The following UQCRC2 variants were observed in gnomAD, a reference collection of about 807,000 sequenced individuals.
UQCRC2 encodes ubiquinol-cytochrome c reductase core protein 2.
Under a neutral mutation model 55.6 loss-of-function variants are expected in UQCRC2, and 49 were observed. That is an observed-to-expected ratio of 0.88 (90% CI 0.70 to 1.12). The LOEUF (loss-of-function observed/expected upper bound fraction) is 1.12, where lower values mean the gene tolerates loss of function less well. Among genes scored for constraint, UQCRC2 ranks in the 50% most tolerant of loss-of-function variants. UQCRC2 has a pLI of 0.00. For synonymous variants in UQCRC2, 193 were observed against 192.0 expected, an observed-to-expected ratio of 1.01 and a Z score of -0.04; for missense variants, 506 against 547.8, an observed-to-expected ratio of 0.92 and a Z score of 0.76.
At position 21,983,180 on chromosome 16, in the gene UQCRC2, C is replaced by T; in HGVS notation, c.*9C>T. On this transcript the variant is annotated 3_prime_UTR_variant, in exon 14 of 14. Coordinates refer to ENST00000268379, the MANE Select transcript of UQCRC2 (RefSeq NM_003366.4). ...TTGTTGATGAGTTGTAATACTGATG[C>T]ACACATTACAGGAGAGAGCTGAACG... 1.9e-6 allele frequency: 3 copies of T among 1,611,662 alleles called. No individual in the cohort carries two copies. Among genetic ancestry groups the T allele is most frequent in the South Asian group, 1.1e-5 (1 of 91,020 alleles).
At chr16:21,963,122 G>A in intron 6 of UQCRC2, 1 of 324,402 alleles carries the variant, frequency 3.1e-6, no homozygotes, top group Non-Finnish European at 5.7e-6. Flanking sequence ...CTGAGCAGCT[G>A]GAATTATAGG....
At chr16:21,961,657 TA>T (rs1195558011) in intron 4 of UQCRC2, among the ~76,000 whole-genome samples, 1 of 95,334 alleles carries the variant, frequency 1.0e-5, no homozygotes. Flanking sequence ...TATATATATA[TA>T]TATATATATA....
At chr16:21,953,588 A>T in intron 1 of UQCRC2, 132 bp downstream of exon 1, 1 of 1,183,706 alleles carries the variant, frequency 8.4e-7, no homozygotes, top group Non-Finnish European at 1.2e-6. Flanking sequence ...CCTGCGGGCC[A>T]AGTGGGCTGC....
intron 13 of UQCRC2, among the ~76,000 whole-genome samples, chr16:21,982,039 A>G (rs921751204): frequency 1.3e-5 from 2 of 151,576 alleles, no homozygotes; most frequent in Non-Finnish European, 2.9e-5. Flanking sequence ...ACGGGGTTTT[A>G]CCATGTTAGC....
intron 4 of UQCRC2, among the ~76,000 whole-genome samples, chr16:21,960,067 A>G (rs1198228490): frequency 1.3e-5 from 2 of 152,208 alleles, no homozygotes; most frequent in South Asian, 2.1e-4. Context: ...CACCAGCTGC[A>G]TTAGTCCCCA....
chr16:21,960,601 A>T (rs1037973699), intron 4 of UQCRC2, among the ~76,000 whole-genome samples: 42 of 152,326 alleles, frequency 2.8e-4, no homozygotes, highest in African/African-American at 9.4e-4. Context: ...CGTTTTTAAC[A>T]TGCCTTCCTG....
rs1898103382 is a variant in UQCRC2 at position 21,957,331 on chromosome 16, A to G, written c.117+13A>G. 2 of 1,614,050 alleles carry G rather than the reference A, an allele frequency of 1.2e-6. No homozygotes were observed. Among genetic ancestry groups the G allele is most frequent in the Non-Finnish European group, 1.7e-6 (2 of 1,180,010 alleles). On this transcript the variant is annotated intron_variant, in intron 2 of 13. Transcript: ENST00000268379. The stretch of plus-strand genomic sequence containing the variant: ...TCAGGACCTTGAGGTTAGTCCCACT[A>G]ACTTGCTCGCTGGAAGCTATACATG...
chr16:21,977,624 G>A (rs754878070), intron 12 of UQCRC2, among the ~76,000 whole-genome samples: 4 of 152,210 alleles, frequency 2.6e-5, no homozygotes, highest in Non-Finnish European at 4.4e-5. Context: ...CTCTAAAAGA[G>A]ACAGACTTGG....
At chr16:21,966,352 G>A (rs139606435) in intron 7 of UQCRC2, among the ~76,000 whole-genome samples, 43 of 152,152 alleles carry the variant, frequency 2.8e-4, no homozygotes, top group African/African-American at 1.0e-3. Flanking sequence ...ACATGCCACA[G>A]CCATATGTGC....
At chr16:21,970,928 GT>G (rs891863271) in intron 8 of UQCRC2, among the ~76,000 whole-genome samples, 8 of 147,176 alleles carry the variant, frequency 5.4e-5, no homozygotes, top group South Asian at 2.1e-4. Flanking sequence ...CCATTTTTAA[GT>G]TTTTTTTTTT....
chr16:21,957,538 C>T lies in UQCRC2; in HGVS notation c.239C>T (p.Thr80Ile). 6.2e-7 allele frequency: 1 copy of T among 1,614,148 alleles called. No homozygotes were observed. ...GAGGACTTCAGCAATTTAGGAACCA[C>T]CCATTTGCTGCGTCTTACATCCAGT... ...RYEDFSNLGT[T>I]HLLRLTSSLT... Residue 80 changes from threonine to isoleucine, a missense_variant, in exon 3 of 14, where the codon ACC (threonine) becomes ATC (isoleucine). Thr to Ile is a moderately conservative substitution (Grantham distance 89, BLOSUM62 -1). Transcript: ENST00000268379.
At chr16:21,953,752 A>G (rs1374512091) in intron 1 of UQCRC2, among the ~76,000 whole-genome samples, 1 of 152,094 alleles carries the variant, frequency 6.6e-6, no homozygotes, top group Non-Finnish European at 1.5e-5. Flanking sequence ...AGTGCTGGAG[A>G]AAGAGACCGT....
At chr16:21,962,946 T>A in intron 6 of UQCRC2, 61 bp downstream of exon 6, 2 of 1,531,632 alleles carry the variant, frequency 1.3e-6, no homozygotes, top group Non-Finnish European at 1.8e-6. Flanking sequence ...AAGATCAATT[T>A]ATAGAAGAAA....
In UQCRC2 at chr16:21,983,434, CA is replaced by C. The variant is rs1308482364; in HGVS notation, c.*264del. ...TTTGTTTTAGATGCTTTAAAGGAGA[CA>C]GGAATATAATTATTGAGTATAGAAG... On this transcript the variant is annotated 3_prime_UTR_variant, in exon 14 of 14. Transcript: ENST00000268379. 4.5e-6 allele frequency: 2 copies of C among 444,340 alleles called. No homozygotes were observed. The highest frequency in any genetic ancestry group is 7.9e-6 in the Non-Finnish European group (2 of 254,636). The allele number at this position is 444,340 out of a possible 1,614,324, so 27.5% of individuals were successfully genotyped here.
rs773667038 is a variant in UQCRC2 at position 21,957,246 on chromosome 16, C to T, written c.45C>T (p.Ser15=). The T allele has an allele frequency of 6.2e-7, 1 of 1,613,464 alleles. No individual in the cohort carries two copies. The highest frequency in any genetic ancestry group is 1.7e-5 in the Admixed American group (1 of 59,966). The change falls in exon 2 of 14, where the codon TCC becomes TCT. Residue 15 remains serine, a synonymous_variant. Transcript: ENST00000268379. ...TRAGSFSRFY[S]LKVAPKVKAT... ...TTTTTTATGTTTAGAGATTTTATTC[C>T]CTCAAAGTTGCCCCCAAAGTTAAAG...
intron 8 of UQCRC2, among the ~76,000 whole-genome samples, chr16:21,971,158 A>G (rs1381642996): frequency 6.6e-6 from 1 of 152,200 alleles, no homozygotes; most frequent in African/African-American, 2.4e-5. Flanking sequence ...TGGTAGAGCC[A>G]TAGAAAGGGA....
chr16:21,982,896 G>A (rs1195255022), intron 13 of UQCRC2, among the ~76,000 whole-genome samples, 192 bp from the exon 14 acceptor site: 4 of 150,882 alleles, frequency 2.7e-5, no homozygotes, highest in Non-Finnish European at 5.9e-5. Flanking sequence ...CCTGGGAGGC[G>A]GAGGCTGCAG....
rs1898370607 is a variant in UQCRC2 at position 21,968,024 on chromosome 16, CAG to C, written c.613-601_613-600del. Among the ~76,000 whole-genome samples, 5 of 129,892 alleles carry C rather than the reference CAG, an allele frequency of 3.8e-5. No homozygotes were observed. In the South Asian group the frequency reaches 9.8e-4, roughly 25 times the overall value. 85.2% of individuals were successfully genotyped at this position (129,892 alleles called of 152,430 possible). A position where few individuals can be genotyped will look rare whatever the true frequency, so the allele number is the denominator to read the frequency against. The stretch of plus-strand genomic sequence containing the variant: ...CCTTTTTTTTTTTTTTTTTTTGAGA[CAG>C]AGTCTTGCTGTGTCGCCCAGGCCAG... On this transcript the variant is annotated intron_variant, in intron 7 of 13. Transcript: ENST00000268379.
chr16:21,974,047 G>A lies in UQCRC2; in HGVS notation c.1047+71G>A, dbSNP rs1347147273. On this transcript the variant is annotated intron_variant, in intron 11 of 13. Coordinates refer to ENST00000268379, the MANE Select transcript of UQCRC2 (RefSeq NM_003366.4). Reference sequence around the variant, plus strand: ...TCCCCCCCGCCATAAACATGTTTTCGGTTAAAATATGGAATGTTTGAATGC... The same window carrying A: ...TCCCCCCCGCCATAAACATGTTTTCAGTTAAAATATGGAATGTTTGAATGC... 1.7e-5 allele frequency: 24 copies of A among 1,409,510 alleles called. No individual in the cohort carries two copies. The Admixed American group carries it at 3.8e-4, about 22-fold the overall frequency. 87.3% of individuals were successfully genotyped at this position (1,409,510 alleles called of 1,614,324 possible). A position where few individuals can be genotyped will look rare whatever the true frequency, so the allele number is the denominator to read the frequency against.
Sources: gnomAD v4.1 joint callset for allele counts (sites outside exome capture counted in the v4.1 genomes callset) on GRCh38, gnomAD v4.1.1 for gene constraint, MANE v1.5 for transcripts, NCBI Gene and HGNC (gene_info 2026-07-23, HGNC 2026-07-21) for gene names.